SYK: variants seen among roughly 807,000 people sequenced by gnomAD.
The protein encoded by SYK is tyrosine-protein kinase SYK.
SYK carries 16 observed loss-of-function variants against 77.8 expected under a neutral mutation model. That is an observed-to-expected ratio of 0.21 (90% CI 0.14 to 0.31). SYK has a LOEUF of 0.31. Among genes scored for constraint, SYK ranks in the 10% least tolerant of loss-of-function variants. The probability of loss-of-function intolerance (pLI) is 1.00; values close to 1 mark genes in which losing one functional copy is unlikely to be tolerated. For missense variants in SYK, 529 were observed against 814.4 expected, an observed-to-expected ratio of 0.65 and a Z score of 4.26; for synonymous variants, 312 against 308.7, an observed-to-expected ratio of 1.01 and a Z score of -0.11.
chr9:90,812,270 G>A (rs184793270), intron 1 of SYK, among the ~76,000 whole-genome samples: 13 of 152,234 alleles, frequency 8.5e-5, no homozygotes, highest in Middle Eastern at 3.4e-3. Flanking sequence ...GGTTTGCTTG[G>A]GGGGAAAGGG....
intron 11 of SYK, among the ~76,000 whole-genome samples, chr9:90,885,087 A>T (rs1828511871): frequency 6.6e-6 from 1 of 151,640 alleles, no homozygotes; most frequent in Non-Finnish European, 1.5e-5. Flanking sequence ...CCACATGGGC[A>T]GATATCAATG....
chr9:90,812,651 A>G (rs1825122316), intron 1 of SYK, among the ~76,000 whole-genome samples: 1 of 151,916 alleles, frequency 6.6e-6, no homozygotes, highest in South Asian at 2.1e-4. Flanking sequence ...CCAAATTGGG[A>G]TTTATTGGTA....
intron 4 of SYK, 34 bp from the exon 5 acceptor site, chr9:90,864,555 G>A: frequency 6.3e-7 from 1 of 1,581,102 alleles, no homozygotes; most frequent in Non-Finnish European, 8.7e-7. Context: ...CCTGACCTTG[G>A]TATTTACCAC....
chr9:90,893,653 A>G (rs974749925), intron 13 of SYK, among the ~76,000 whole-genome samples: 3 of 152,230 alleles, frequency 2.0e-5, no homozygotes, highest in Non-Finnish European at 4.4e-5. Context: ...ACCCAGGATA[A>G]AGACCATATA....
intron 11 of SYK, among the ~76,000 whole-genome samples, chr9:90,882,790 A>C (rs1247484285): frequency 1.3e-5 from 2 of 152,218 alleles, no homozygotes; most frequent in East Asian, 3.9e-4. Flanking sequence ...AGGAAGCACC[A>C]AAAGCAAAGC....
At position 90,888,610 on chromosome 9, in the gene SYK, T is replaced by TCTGTGCTGGACATACGAGTGAGTA. The variant is rs1241552233; in HGVS notation, c.1820_1835+8dup. On this transcript the variant is annotated stop_gained and inframe_insertion, in exon 13 of 14. Transcript: ENST00000375754. LOFTEE classifies it high-confidence loss of function. Reference sequence around the variant, plus strand: ...CAAGAGAGATGTACGATCTCATGAATCTGTGCTGGACATACGAGTGAGTAC... The same window carrying TCTGTGCTGGACATACGAGTGAGTA: ...CAAGAGAGATGTACGATCTCATGAATCTGTGCTGGACATACGAGTGAGTACTGTGCTGGACATACGAGTGAGTAC... The TCTGTGCTGGACATACGAGTGAGTA allele has an allele frequency of 6.2e-7, 1 of 1,606,724 alleles. No homozygotes were observed.
intron 3 of SYK, among the ~76,000 whole-genome samples, chr9:90,850,098 T>C (rs970566260): frequency 6.6e-6 from 1 of 152,262 alleles, no homozygotes; most frequent in African/African-American, 2.4e-5. Context: ...TTCCCTTCTC[T>C]TCTTCAGTCT....
At chr9:90,867,019 A>AG (rs1827524871) in intron 6 of SYK, 112 bp from the exon 7 acceptor site, 2 of 1,130,480 alleles carry the variant, frequency 1.8e-6, no homozygotes, top group Non-Finnish European at 2.6e-6. Flanking sequence ...CAGGGACAGG[A>AG]GGGGGTTAGT....
chr9:90,809,156 C>T (rs772281939), intron 1 of SYK, among the ~76,000 whole-genome samples: 1 of 152,126 alleles, frequency 6.6e-6, no homozygotes, highest in African/African-American at 2.4e-5. Context: ...CAGGCCTTGG[C>T]GTTAGGTTCC....
chr9:90,840,530 A>C (rs1451510005), intron 1 of SYK, among the ~76,000 whole-genome samples: 2 of 149,204 alleles, frequency 1.3e-5, no homozygotes, highest in African/African-American at 5.0e-5. Flanking sequence ...CATCCTGGCT[A>C]ATGCGGTGAA....
chr9:90,875,146 C>A (rs753175824), intron 9 of SYK, among the ~76,000 whole-genome samples: 6 of 151,962 alleles, frequency 3.9e-5, no homozygotes, highest in Non-Finnish European at 8.8e-5. Flanking sequence ...TGCCTGTAAT[C>A]TTAGCAATTT....
intron 1 of SYK, among the ~76,000 whole-genome samples, chr9:90,839,195 T>C (rs1826200337): frequency 6.6e-6 from 1 of 152,164 alleles, no homozygotes. Flanking sequence ...TGAGAAGGTA[T>C]GCACAGGAAC....
intron 11 of SYK, among the ~76,000 whole-genome samples, chr9:90,884,153 G>GTATATATA (rs80244810): frequency 4.0e-5 from 4 of 100,772 alleles, no homozygotes; most frequent in South Asian, 3.1e-4. Flanking sequence ...ATGTGTGTGT[G>GTATATATA]TATATATACA....
At position 90,846,085 on chromosome 9, in the gene SYK, T is replaced by TAA. The variant is rs1434734443; in HGVS notation, c.578+491_578+492insAA. 6.1e-4 allele frequency among the ~76,000 whole-genome samples: 93 copies of TAA among 152,342 alleles called. No individual in the cohort carries two copies. In the Middle Eastern group the frequency reaches 0.014, roughly 22 times the overall value. ...GAGTGCAGGTTTGAAGACTTCAGCCTTAGGCCCACAGTCATTAGAGGGTCT... is the reference window on the plus strand; with the variant it reads ...GAGTGCAGGTTTGAAGACTTCAGCCTAATAGGCCCACAGTCATTAGAGGGTCT... On this transcript the variant is annotated intron_variant, in intron 3 of 13. Transcript: ENST00000375754.
intron 1 of SYK, among the ~76,000 whole-genome samples, chr9:90,820,960 A>G (rs575520907): frequency 1.7e-4 from 26 of 152,036 alleles, no homozygotes; most frequent in Non-Finnish European, 2.8e-4. Context: ...GATACCCTAA[A>G]TCATCGCTCT....
chr9:90,878,615 T>C, intron 10 of SYK, 149 bp from the exon 11 acceptor site: 2 of 619,024 alleles, frequency 3.2e-6, no homozygotes, highest in Non-Finnish European at 5.7e-6. Context: ...AGCTATATGC[T>C]AACAAAGTTA....
At position 90,874,862 on chromosome 9, in the gene SYK, G is replaced by C. The variant is rs199647713; in HGVS notation, c.1181+13G>C. On this transcript the variant is annotated intron_variant, in intron 9 of 13. Transcript: ENST00000375754. The stretch of plus-strand genomic sequence containing the variant: ...ACCAAATGAAAAAGTAAGTTGCTAT[G>C]TTCCACCAGCCTCACCCTCACATGA... The C allele has an allele frequency of 2.0e-5, 33 of 1,613,482 alleles. No homozygotes were observed. The highest frequency in any genetic ancestry group is 2.7e-5 in the Non-Finnish European group (32 of 1,179,676).
chr9:90,829,972 T>C (rs1324227678), intron 1 of SYK, among the ~76,000 whole-genome samples: 1 of 152,262 alleles, frequency 6.6e-6, no homozygotes, highest in Non-Finnish European at 1.5e-5. Context: ...TTTTAAGTTC[T>C]GAAGGCACAG....
intron 13 of SYK, among the ~76,000 whole-genome samples, chr9:90,893,084 A>G (rs1828859914): frequency 6.6e-6 from 1 of 152,208 alleles, no homozygotes; most frequent in Admixed American, 6.5e-5. Flanking sequence ...GCCTCACAGA[A>G]GCCTCAGACC....
Sources: gnomAD v4.1 joint callset for allele counts (sites outside exome capture counted in the v4.1 genomes callset) on GRCh38, gnomAD v4.1.1 for gene constraint, MANE v1.5 for transcripts, NCBI Gene and HGNC (gene_info 2026-07-23, HGNC 2026-07-21) for gene names.